Variants in MAGI1 observed in about 807,000 individuals in gnomAD.
The protein encoded by MAGI1 is membrane-associated guanylate kinase, WW and PDZ domain-containing protein 1.
Under a neutral mutation model 139.9 loss-of-function variants are expected in MAGI1, and 58 were observed. The ratio of observed to expected loss-of-function variants is 0.41; its 90% CI spans 0.34 to 0.52. The LOEUF (loss-of-function observed/expected upper bound fraction) is 0.52, where lower values mean the gene tolerates loss of function less well. MAGI1 is among the 20% of genes least tolerant of loss of function. The pLI is 0.12. For missense variants in MAGI1, 1,874 were observed against 1,901.6 expected, an observed-to-expected ratio of 0.99 and a Z score of 0.27; for synonymous variants, 812 against 737.9, an observed-to-expected ratio of 1.10 and a Z score of -1.63.
At chr3:65,529,720 A>C (rs1406337206) in intron 2 of MAGI1, among the ~76,000 whole-genome samples, 2 of 152,222 alleles carry the variant, frequency 1.3e-5, no homozygotes. Context: ...TTATGAGTAC[A>C]TACCTAGGAG....
At chr3:65,778,216 G>A (rs1018104000) in intron 1 of MAGI1, among the ~76,000 whole-genome samples, 1 of 152,074 alleles carries the variant, frequency 6.6e-6, no homozygotes, top group Admixed American at 6.5e-5. Flanking sequence ...GATCACCTGA[G>A]GTAAGGAGTT....
chr3:66,034,276 C>T (rs769111019), intron 1 of MAGI1, among the ~76,000 whole-genome samples: 4 of 151,874 alleles, frequency 2.6e-5, no homozygotes, highest in Non-Finnish European at 4.4e-5. Flanking sequence ...GAGGACCTCA[C>T]TTGGAGACCT....
At chr3:65,944,755 T>C (rs1047147710) in intron 1 of MAGI1, among the ~76,000 whole-genome samples, 2 of 152,146 alleles carry the variant, frequency 1.3e-5, no homozygotes, top group African/African-American at 2.4e-5. Context: ...AAAACAAAGA[T>C]ATATGTCTAA....
intron 1 of MAGI1, among the ~76,000 whole-genome samples, chr3:65,866,396 A>G (rs1384098259): frequency 6.6e-6 from 1 of 151,648 alleles, no homozygotes; most frequent in African/African-American, 2.4e-5. Context: ...AGGGGAAAAA[A>G]AGCAGTAACA....
intron 2 of MAGI1, among the ~76,000 whole-genome samples, chr3:65,557,013 C>G (rs1038778926): frequency 5.9e-5 from 9 of 152,178 alleles, no homozygotes; most frequent in African/African-American, 1.9e-4. Context: ...CCTATTTATT[C>G]TTTGTGTGTC....
rs1242730392 is a variant in MAGI1 at position 65,379,383 on chromosome 3, C to G, written c.2873G>C (p.Gly958Ala). ...CACCACGGTGCTGACCACGCCGCTG[C>G]CCCCGCCGCCGCCACTGCCGATGCC... ...TSGIGSGGGG[G>A]SGVVSTVVQP... The change falls in exon 17 of 23, where the codon GGC becomes GCC. Residue 958 changes from glycine to alanine, a missense_variant. Around this residue, in one of 5 missense-constraint regions of MAGI1, gnomAD observed 482 missense variants for 509.6 expected, o/e 0.95. Coordinates refer to ENST00000402939, the MANE Select transcript of MAGI1 (RefSeq NM_001033057.2). 6.2e-7 allele frequency: 1 copy of G among 1,612,488 alleles called. No homozygotes were observed. The highest frequency in any genetic ancestry group is 1.7e-5 in the Admixed American group (1 of 59,920).
chr3:65,921,964 A>T (rs1397311243), intron 1 of MAGI1, among the ~76,000 whole-genome samples: 1 of 151,206 alleles, frequency 6.6e-6, no homozygotes, highest in Non-Finnish European at 1.5e-5. Context: ...ACTACACAAA[A>T]GGAAAGAATA....
At chr3:65,574,732 A>G (rs2081103370) in intron 2 of MAGI1, among the ~76,000 whole-genome samples, 1 of 152,088 alleles carries the variant, frequency 6.6e-6, no homozygotes, top group Non-Finnish European at 1.5e-5. Flanking sequence ...AGTAATCAAG[A>G]CAGTGTTGTA....
chr3:65,868,269 C>T (rs2059798772), intron 1 of MAGI1, among the ~76,000 whole-genome samples: 1 of 152,172 alleles, frequency 6.6e-6, no homozygotes, highest in South Asian at 2.1e-4. Context: ...CACCACTGCA[C>T]AGTAAATACT....
At chr3:65,779,779 C>T (rs1331579823) in intron 1 of MAGI1, among the ~76,000 whole-genome samples, 2 of 152,202 alleles carry the variant, frequency 1.3e-5, no homozygotes, top group Non-Finnish European at 2.9e-5. Context: ...CAAAAAAGAT[C>T]TATCTTTGGA....
At chr3:65,692,665 A>AAT in intron 1 of MAGI1, among the ~76,000 whole-genome samples, 1 of 152,160 alleles carries the variant, frequency 6.6e-6, no homozygotes, top group Admixed American at 6.5e-5. Context: ...GAAAGGTGGG[A>AAT]CCTTTGGCAA....
intron 1 of MAGI1, among the ~76,000 whole-genome samples, chr3:65,630,757 C>T (rs2084249796): frequency 6.6e-6 from 1 of 152,130 alleles, no homozygotes; most frequent in South Asian, 2.1e-4. Flanking sequence ...ACACTGGGTG[C>T]CGTGTGCACT....
chr3:65,637,915 T>C (rs755270610), intron 1 of MAGI1, among the ~76,000 whole-genome samples: 32 of 152,098 alleles, frequency 2.1e-4, no homozygotes, highest in Non-Finnish European at 4.3e-4. Flanking sequence ...CCCCAAACCA[T>C]GAGAGTTTCC....
chr3:65,450,064 T>C (rs1422328869), intron 6 of MAGI1, among the ~76,000 whole-genome samples: 1 of 152,196 alleles, frequency 6.6e-6, no homozygotes, highest in South Asian at 2.1e-4. Flanking sequence ...TATAGTGAAA[T>C]GTAAGCGTAT....
Position 65,910,855 on chromosome 3 carries a change from C to CTTTTTTT in MAGI1, c.313+127134_313+127140dup, listed in dbSNP as rs397989928. Among the ~76,000 whole-genome samples, 60 of 59,478 alleles carry CTTTTTTT rather than the reference C, an allele frequency of 1.0e-3. 21 individuals are homozygous for CTTTTTTT. Among genetic ancestry groups the CTTTTTTT allele is most frequent in the African/African-American group, 3.4e-3 (43 of 12,678 alleles). The allele number at this position is 59,478 out of a possible 152,430, so 39.0% of individuals were successfully genotyped here. On this transcript the variant is annotated intron_variant, in intron 1 of 22. Transcript: ENST00000402939. ...TGAGGCCTCTTTCAGACATGGTGGA[C>CTTTTTTT]TTTTTTTTTTTTTTTTTTTTGAGAT... is the stretch of plus-strand genomic sequence containing the variant.
At chr3:65,460,755 GTCC>G (rs1425562224) in intron 5 of MAGI1, among the ~76,000 whole-genome samples, 6 of 151,958 alleles carry the variant, frequency 3.9e-5, no homozygotes, top group African/African-American at 1.4e-4. Flanking sequence ...GTGCCCATAT[GTCC>G]TCATTGTTCA....
intron 1 of MAGI1, among the ~76,000 whole-genome samples, chr3:65,871,053 C>T (rs1266440656): frequency 6.6e-6 from 1 of 152,108 alleles, no homozygotes; most frequent in Non-Finnish European, 1.5e-5. Context: ...ATCCTTCCAC[C>T]TCAGCCTCCT....
intron 12 of MAGI1, among the ~76,000 whole-genome samples, chr3:65,406,018 G>T (rs1024332239): frequency 6.6e-6 from 1 of 152,154 alleles, no homozygotes; most frequent in Non-Finnish European, 1.5e-5. Flanking sequence ...GAGCCGCCAC[G>T]CCCGGCCTCT....
intron 1 of MAGI1, among the ~76,000 whole-genome samples, chr3:65,895,623 T>C (rs1341420463): frequency 6.6e-6 from 1 of 152,220 alleles, no homozygotes; most frequent in Non-Finnish European, 1.5e-5. Flanking sequence ...TCAAAGGGAA[T>C]AACTTAACCT....
Sources: gnomAD v4.1 joint callset for allele counts (sites outside exome capture counted in the v4.1 genomes callset) on GRCh38, gnomAD v4.1.1 for gene constraint, gnomAD v4.1.1 regional missense constraint, MANE v1.5 for transcripts, NCBI Gene and HGNC (gene_info 2026-07-23, HGNC 2026-07-21) for gene names.